The following NCKAP5 variants were observed in gnomAD, a reference collection of about 807,000 sequenced individuals.
NCKAP5 encodes nck-associated protein 5.
NCKAP5 carries 92 observed loss-of-function variants against 167.0 expected under a neutral mutation model. That is an observed-to-expected ratio of 0.55 (90% confidence interval 0.47 to 0.66). The LOEUF (loss-of-function observed/expected upper bound fraction) is 0.66. Ranked by LOEUF, NCKAP5 falls within the 30% of genes least tolerant of loss-of-function variation. The pLI, the probability that NCKAP5 is intolerant of heterozygous loss-of-function variation, is 0.00. For missense variants in NCKAP5, 2,378 were observed against 2,315.0 expected, an observed-to-expected ratio of 1.03 and a Z score of -0.56; for synonymous variants, 891 against 877.4, an observed-to-expected ratio of 1.02 and a Z score of -0.27.
At chr2:133,239,879 T>C (rs2087598932) in intron 4 of NCKAP5, among the ~76,000 whole-genome samples, 1 of 152,232 alleles carries the variant, frequency 6.6e-6, no homozygotes, top group African/African-American at 2.4e-5. Flanking sequence ...CTTCTCTCAG[T>C]TTGGTTTCCA....
At chr2:132,950,771 C>G (rs74632449) in intron 8 of NCKAP5, among the ~76,000 whole-genome samples, 2,544 of 152,180 alleles carry the variant, frequency 0.017, 39 homozygotes, top group East Asian at 0.048. Flanking sequence ...GTTACCTCCC[C>G]CAAGCTACTA....
chr2:133,543,455 C>T lies in NCKAP5; in HGVS notation c.-62+15595G>A, dbSNP rs144225050. On this transcript the variant is annotated intron_variant, in intron 2 of 19. Coordinates refer to ENST00000409261, the MANE Select transcript of NCKAP5 (RefSeq NM_207363.3). Reference sequence around the variant, plus strand: ...CTCAGCACAGTACCAAGTAAGTGTACGAGAAATGTTAGCTATTCAAAGTAA... The same window carrying T: ...CTCAGCACAGTACCAAGTAAGTGTATGAGAAATGTTAGCTATTCAAAGTAA... Among the ~76,000 whole-genome samples the T allele has an allele frequency of 3.3e-3, 504 of 152,264 alleles. 1 individual carries two copies. The highest frequency in any genetic ancestry group is 0.011 in the African/African-American group (463 of 41,552).
At position 132,845,719 on chromosome 2, in the gene NCKAP5, C is replaced by T. The variant is rs1157270928; in HGVS notation, c.807+14773G>A. 2.0e-5 allele frequency among the ~76,000 whole-genome samples: 3 copies of T among 152,154 alleles called. No homozygotes were observed. In the East Asian group the frequency reaches 5.8e-4, roughly 29 times the overall value. On this transcript the variant is annotated intron_variant, in intron 11 of 19. Coordinates refer to ENST00000409261, the MANE Select transcript of NCKAP5 (RefSeq NM_207363.3). ...CACAGGGTAATTTTTCCACCCCATA[C>T]TTCTGTGTAGTTCTTTATTTTCAAC...
chr2:132,946,751 C>T (rs879590715), intron 8 of NCKAP5, among the ~76,000 whole-genome samples: 7 of 152,124 alleles, frequency 4.6e-5, no homozygotes, highest in South Asian at 2.1e-4. Context: ...TACAACAATT[C>T]GCTAGGTGTG....
chr2:133,339,132 T>G (rs1683410912), intron 3 of NCKAP5, among the ~76,000 whole-genome samples: 1 of 152,234 alleles, frequency 6.6e-6, no homozygotes, highest in African/African-American at 2.4e-5. Flanking sequence ...AGAATTAATA[T>G]AATCTAAATT....
intron 11 of NCKAP5, among the ~76,000 whole-genome samples, chr2:132,812,745 G>A (rs1685979686): frequency 6.6e-6 from 1 of 152,166 alleles, no homozygotes; most frequent in Non-Finnish European, 1.5e-5. Context: ...CCACAATATT[G>A]TGGCTCATAA....
chr2:133,206,950 CT>C (rs1368312108), intron 5 of NCKAP5, among the ~76,000 whole-genome samples: 2 of 152,128 alleles, frequency 1.3e-5, no homozygotes, highest in African/African-American at 4.8e-5. Context: ...AAATTCCAGC[CT>C]GGTAAATTCT....
chr2:133,633,511 C>A, the NCKAP5 span, among the ~76,000 whole-genome samples: 2 of 152,176 alleles, frequency 1.3e-5, no homozygotes, highest in Non-Finnish European at 2.9e-5. Context: ...TGAGGACATG[C>A]AGCATCCTGA....
the NCKAP5 span, among the ~76,000 whole-genome samples, chr2:133,599,792 A>C: frequency 6.6e-6 from 1 of 152,220 alleles, no homozygotes; most frequent in Admixed American, 6.5e-5. Context: ...GCGCCTGCAC[A>C]TGTGTCCGCC....
chr2:132,718,380 A>G (rs1250606823), intron 19 of NCKAP5, among the ~76,000 whole-genome samples: 1 of 152,158 alleles, frequency 6.6e-6, no homozygotes, highest in Non-Finnish European at 1.5e-5. Context: ...CTCTTTCATA[A>G]CGGGTGTGAT....
intron 4 of NCKAP5, among the ~76,000 whole-genome samples, chr2:133,299,029 T>A (rs908975202): frequency 5.3e-5 from 8 of 151,226 alleles, no homozygotes; most frequent in South Asian, 2.1e-4. Flanking sequence ...AAGTATAATT[T>A]AAAAAAATAA....
chr2:132,751,267 T>A (rs759524525), intron 16 of NCKAP5, among the ~76,000 whole-genome samples: 1 of 152,096 alleles, frequency 6.6e-6, no homozygotes, highest in Admixed American at 6.6e-5. Context: ...GCCTGGCACC[T>A]CTTCCTCTCT....
chr2:133,034,750 C>T (rs1188665938), intron 6 of NCKAP5, among the ~76,000 whole-genome samples: 8 of 151,596 alleles, frequency 5.3e-5, no homozygotes, highest in South Asian at 2.1e-4. Flanking sequence ...TAACCTCAAA[C>T]TAAAAAACAT....
At chr2:133,127,297 C>T (rs1026168731) in intron 6 of NCKAP5, among the ~76,000 whole-genome samples, 28 of 152,308 alleles carry the variant, frequency 1.8e-4, no homozygotes, top group African/African-American at 6.5e-4. Context: ...TTCAGTAGGT[C>T]TACTCAAATT....
intron 4 of NCKAP5, among the ~76,000 whole-genome samples, chr2:133,216,909 C>A (rs2086452637): frequency 6.6e-6 from 1 of 152,002 alleles, no homozygotes; most frequent in Admixed American, 6.6e-5. Context: ...AAAGTATGTG[C>A]ATGTACTACT....
intron 2 of NCKAP5, among the ~76,000 whole-genome samples, chr2:133,523,950 C>A (rs1338859101): frequency 8.5e-5 from 13 of 152,140 alleles, no homozygotes; most frequent in Admixed American, 8.5e-4. Context: ...TAGGTCCCAC[C>A]AGATCACTTG....
intron 3 of NCKAP5, among the ~76,000 whole-genome samples, chr2:133,383,276 T>C (rs1293408654): frequency 6.6e-6 from 1 of 152,182 alleles, no homozygotes; most frequent in African/African-American, 2.4e-5. Flanking sequence ...CCAAGTGTTC[T>C]CATTGTTCAA....
intron 11 of NCKAP5, among the ~76,000 whole-genome samples, chr2:132,824,913 T>G (rs1395774401): frequency 6.6e-6 from 1 of 152,214 alleles, no homozygotes; most frequent in Non-Finnish European, 1.5e-5. Flanking sequence ...GACTTTTGTA[T>G]TTGAAGCCAT....
At chr2:133,009,010 C>T (rs80256188) in intron 6 of NCKAP5, among the ~76,000 whole-genome samples, 3 of 152,104 alleles carry the variant, frequency 2.0e-5, no homozygotes, top group African/African-American at 4.8e-5. Context: ...GTATTCCTGA[C>T]AATTGTGGCC....
Sources: allele counts gnomAD v4.1 joint callset (sites outside exome capture counted in the v4.1 genomes callset), GRCh38; gene constraint gnomAD v4.1.1; transcripts MANE v1.5; gene names NCBI Gene and HGNC (gene_info 2026-07-23, HGNC 2026-07-21).